The following ITGA9 variants were observed in gnomAD, a reference collection of about 807,000 sequenced individuals.
The protein encoded by ITGA9 is integrin subunit alpha 9.
ITGA9 carries 56 observed loss-of-function variants against 127.8 expected under a neutral mutation model. The ratio of observed to expected loss-of-function variants is 0.44; its 90% CI spans 0.35 to 0.55. The LOEUF is 0.55. Among genes scored for constraint, ITGA9 ranks in the 20% least tolerant of loss-of-function variants. ITGA9 has a pLI of 0.00. For missense variants in ITGA9, 1,196 were observed against 1,347.1 expected, an observed-to-expected ratio of 0.89 and a Z score of 1.76; for synonymous variants, 508 against 514.5, an observed-to-expected ratio of 0.99 and a Z score of 0.17.
chr3:37,625,605 C>T (rs78685125), intron 15 of ITGA9, among the ~76,000 whole-genome samples: 10,128 of 152,130 alleles, frequency 0.067, 389 homozygotes, highest in African/African-American at 0.096. Flanking sequence ...CAGTTTGTAG[C>T]GTTATTTTTT....
intron 16 of ITGA9, among the ~76,000 whole-genome samples, chr3:37,651,510 G>A (rs980523674): frequency 6.6e-6 from 1 of 152,194 alleles, no homozygotes; most frequent in Non-Finnish European, 1.5e-5. Context: ...CTACATGCCA[G>A]GCCCTAAGGG....
intron 16 of ITGA9, among the ~76,000 whole-genome samples, chr3:37,646,040 C>T (rs932996857): frequency 6.6e-6 from 1 of 152,186 alleles, no homozygotes; most frequent in Non-Finnish European, 1.5e-5. Context: ...TACTCTGACT[C>T]AGAGGAAAAT....
At chr3:37,604,533 G>A (rs1699949463) in intron 15 of ITGA9, among the ~76,000 whole-genome samples, 1 of 152,198 alleles carries the variant, frequency 6.6e-6, no homozygotes, top group Non-Finnish European at 1.5e-5. Flanking sequence ...AAACATTTAG[G>A]AAAACCTTAC....
rs190030609 is a variant in ITGA9, at chr3:37,732,585, G to A, written c.2068-127G>A. On this transcript the variant is annotated intron_variant, in intron 18 of 27. Coordinates refer to ENST00000264741, the MANE Select transcript of ITGA9 (RefSeq NM_002207.3). ...AGGGGGCTGGAGACGGCCTGGTCAG[G>A]GCATCTCGTCCCACTGGTGCCTACC... The A allele has an allele frequency of 1.2e-4, 86 of 743,634 alleles. No individual in the cohort carries two copies. In the Admixed American group the frequency reaches 1.7e-3, roughly 15 times the overall value. The allele number at this position is 743,634 out of a possible 1,614,324, so 46.1% of individuals were successfully genotyped here. A position where few individuals can be genotyped will look rare whatever the true frequency, so the allele number is the denominator to read the frequency against.
chr3:37,492,270 T>G (rs1445755450), intron 4 of ITGA9, among the ~76,000 whole-genome samples: 2 of 152,188 alleles, frequency 1.3e-5, no homozygotes, highest in Non-Finnish European at 2.9e-5. Flanking sequence ...AGCTTAGACT[T>G]TGGGTTTCAG....
chr3:37,490,972 C>CCT (rs1161514980), intron 4 of ITGA9, among the ~76,000 whole-genome samples: 6 of 135,946 alleles, frequency 4.4e-5, no homozygotes, highest in Admixed American at 7.3e-5. Flanking sequence ...GGCTTCCCCC[C>CCT]CGCTTTTTTT....
intron 23 of ITGA9, among the ~76,000 whole-genome samples, chr3:37,770,010 A>G (rs1393858441): frequency 1.3e-5 from 2 of 152,128 alleles, no homozygotes; most frequent in Non-Finnish European, 2.9e-5. Context: ...ATGACAGGTT[A>G]CTTAACCTCT....
At chr3:37,470,239 T>C (rs1261593629) in intron 1 of ITGA9, among the ~76,000 whole-genome samples, 2 of 149,562 alleles carry the variant, frequency 1.3e-5, no homozygotes, top group Non-Finnish European at 3.0e-5. Flanking sequence ...GTCCTAGAAA[T>C]GGAATTACTG....
intron 26 of ITGA9, among the ~76,000 whole-genome samples, chr3:37,802,624 A>G (rs1166049468): frequency 1.3e-5 from 2 of 152,266 alleles, no homozygotes; most frequent in Admixed American, 1.3e-4. Flanking sequence ...AGAAGACGCA[A>G]TAGATGCTTT....
At chr3:37,563,304 A>G (rs1318940967) in intron 15 of ITGA9, among the ~76,000 whole-genome samples, 2 of 152,228 alleles carry the variant, frequency 1.3e-5, no homozygotes, top group African/African-American at 2.4e-5. Flanking sequence ...ACTTGGTCAC[A>G]TGAGATTGCC....
chr3:37,513,267 C>T (rs1207116937), intron 8 of ITGA9, among the ~76,000 whole-genome samples: 3 of 152,072 alleles, frequency 2.0e-5, no homozygotes, highest in Non-Finnish European at 4.4e-5. Context: ...TTTATCTTCC[C>T]CTTGATAGGA....
At chr3:37,620,252 C>G (rs935201574) in intron 15 of ITGA9, among the ~76,000 whole-genome samples, 2 of 152,132 alleles carry the variant, frequency 1.3e-5, no homozygotes, top group African/African-American at 4.8e-5. Context: ...TCCTGTCACC[C>G]AAGGGCAGTT....
intron 15 of ITGA9, among the ~76,000 whole-genome samples, chr3:37,567,429 C>T (rs896716436): frequency 2.6e-5 from 4 of 152,134 alleles, no homozygotes; most frequent in Non-Finnish European, 5.9e-5. Context: ...CATTCCGCCC[C>T]GGCCCCTTCC....
At chr3:37,764,057 T>C (rs1185346357) in intron 23 of ITGA9, among the ~76,000 whole-genome samples, 1 of 152,182 alleles carries the variant, frequency 6.6e-6, no homozygotes, top group African/African-American at 2.4e-5. Flanking sequence ...TGTTAAGCCA[T>C]TCTGGTATCC....
chr3:37,729,885 G>T (rs180690206), intron 18 of ITGA9, among the ~76,000 whole-genome samples: 2 of 152,004 alleles, frequency 1.3e-5, no homozygotes, highest in East Asian at 3.9e-4. Flanking sequence ...TATATTTGTA[G>T]TAGAAACAGG....
At chr3:37,748,747 T>TAAAAAAA in intron 22 of ITGA9, 2 of 450,796 alleles carry the variant, frequency 4.4e-6, no homozygotes, top group Non-Finnish European at 7.8e-6. Flanking sequence ...GACTCTGTCT[T>TAAAAAAA]AAAAAAAAAA....
intron 23 of ITGA9, among the ~76,000 whole-genome samples, chr3:37,761,815 A>C (rs1696726290): frequency 6.6e-6 from 1 of 152,194 alleles, no homozygotes; most frequent in Non-Finnish European, 1.5e-5. Context: ...AGCCAGAATC[A>C]AGATGGTGAC....
chr3:37,695,372 C>T (rs11717612), intron 18 of ITGA9, among the ~76,000 whole-genome samples: 4,867 of 152,288 alleles, frequency 0.032, 102 homozygotes, highest in Non-Finnish European at 0.049. Context: ...GGTTTACCTT[C>T]AACTGGTTTC....
chr3:37,481,613 C>T lies in ITGA9; in HGVS notation c.544+6C>T. On this transcript the variant is annotated splice_donor_region_variant and intron_variant, in intron 4 of 27. Coordinates refer to ENST00000264741, the MANE Select transcript of ITGA9 (RefSeq NM_002207.3). ...GCTGATCCCTTGCTATGAAGGTGAG[C>T]ATGGATTGATTTTTCCTCATCCCCC... 6.2e-7 allele frequency: 1 copy of T among 1,614,194 alleles called. No individual in the cohort carries two copies. Among genetic ancestry groups the T allele is most frequent in the South Asian group, 1.1e-5 (1 of 91,092 alleles).
Sources: gnomAD v4.1 joint callset for allele counts (sites outside exome capture counted in the v4.1 genomes callset) on GRCh38, gnomAD v4.1.1 for gene constraint, MANE v1.5 for transcripts, NCBI Gene and HGNC (gene_info 2026-07-23, HGNC 2026-07-21) for gene names.